Variants in ZKSCAN2 observed in about 807,000 individuals in gnomAD.
ZKSCAN2 encodes zinc finger with KRAB and SCAN domains 2.
A neutral mutation model predicts 90.5 loss-of-function variants in ZKSCAN2; 38 were observed. The ratio of observed to expected loss-of-function variants is 0.42; its 90% CI spans 0.32 to 0.55. ZKSCAN2 has a LOEUF of 0.55. Ranked by LOEUF, ZKSCAN2 falls within the 20% of genes least tolerant of loss-of-function variation. The probability of loss-of-function intolerance (pLI) is 0.11; values close to 1 mark genes in which losing one functional copy is unlikely to be tolerated. For synonymous variants in ZKSCAN2, 429 were observed against 421.6 expected (o/e 1.02, Z -0.22); for missense variants, 1,167 against 1,202.6 (o/e 0.97, Z 0.44).
intron 4 of ZKSCAN2, among the ~76,000 whole-genome samples, chr16:25,250,443 TGAGAA>T (rs1250747089): frequency 6.6e-6 from 1 of 152,152 alleles, no homozygotes; most frequent in Non-Finnish European, 1.5e-5. Flanking sequence ...TTAGAGAAAG[TGAGAA>T]GAGAACAGTG....
In ZKSCAN2 at chr16:25,257,109, A is replaced by T. The variant is rs752024633; in HGVS notation, c.19T>A (p.Ser7Thr). 6.2e-7 allele frequency: 1 copy of T among 1,604,618 alleles called. No individual in the cohort carries two copies. Among genetic ancestry groups the T allele is most frequent in the Non-Finnish European group, 8.5e-7 (1 of 1,174,248 alleles). ...ACCTCCAGGGGCGCGTCGATCTGAG[A>T]GTCGAGGGCGACAGCCATGCTGCAG... is the stretch of plus-strand genomic sequence containing the variant. MAVALD[S>T]QIDAPLEVEG... is the part of the protein sequence containing the mutation. Residue 7 changes from serine to threonine, a missense_variant, in exon 1 of 7, where the codon TCT becomes ACT. Coordinates refer to ENST00000328086, the MANE Select transcript of ZKSCAN2 (RefSeq NM_001012981.5).
rs1393182561 is a variant in ZKSCAN2, at chr16:25,237,966, GGAC to G, written c.*1847_*1849del. 2 of 152,126 alleles carry G rather than the reference GGAC, an allele frequency of 1.3e-5. No homozygotes were observed. The highest frequency in any genetic ancestry group is 2.9e-5 in the Non-Finnish European group (2 of 68,010). 9.4% of individuals were successfully genotyped at this position (152,126 alleles called of 1,614,324 possible). A position where few individuals can be genotyped will look rare whatever the true frequency, so the allele number is the denominator to read the frequency against. ...ACTTAGCATTAGAAATCTATAACTT[GGAC>G]AACACAGAAAAATCAACCTATTGAG... On this transcript the variant is annotated 3_prime_UTR_variant, in exon 7 of 7. Coordinates refer to ENST00000328086, the MANE Select transcript of ZKSCAN2 (RefSeq NM_001012981.5).
chr16:25,247,247 G>A lies in ZKSCAN2; in HGVS notation c.949C>T (p.Pro317Ser), dbSNP rs778194416. The stretch of plus-strand genomic sequence containing the variant: ...CATGTTTTTCCTGCACTCCTTGCAG[G>A]GACCTGAATAGCATGAACTGACTTT... ...KEKSVHAIQVPARSAGKTWRE... is the reference protein window; with the variant it reads ...KEKSVHAIQVSARSAGKTWRE... The change falls in exon 5 of 7, where the codon CCT (proline) becomes TCT (serine). Residue 317 changes from proline (P) to serine (S), a missense_variant. Pro to Ser is a moderately conservative substitution (Grantham distance 74). Coordinates refer to ENST00000328086, the MANE Select transcript of ZKSCAN2 (RefSeq NM_001012981.5). The A allele has an allele frequency of 1.9e-6, 3 of 1,613,998 alleles. No homozygotes were observed. The highest frequency in any genetic ancestry group is 2.5e-6 in the Non-Finnish European group (3 of 1,180,022).
chr16:25,255,599 G>A (rs1006653183), intron 1 of ZKSCAN2, among the ~76,000 whole-genome samples: 1 of 152,160 alleles, frequency 6.6e-6, no homozygotes, highest in Non-Finnish European at 1.5e-5. Context: ...TCTTTTTTCT[G>A]AGACAGAGTT....
Position 25,257,219 on chromosome 16 carries a change from G to T in ZKSCAN2, c.-92C>A, listed in dbSNP as rs1040897991. On this transcript the variant is annotated 5_prime_UTR_variant, in exon 1 of 7. Transcript: ENST00000328086. ...CCCTGCTTAATGTTCCTGGGAGTGT[G>T]ATAAGGTACGGAGGTAAAAACGGCC... 7.4e-5 allele frequency: 108 copies of T among 1,460,128 alleles called. No homozygotes were observed. Among genetic ancestry groups the T allele is most frequent in the East Asian group, 1.7e-4 (7 of 41,120 alleles). The allele number at this position is 1,460,128 out of a possible 1,614,324, so 90.4% of individuals were successfully genotyped here.
rs552607220 is a variant in ZKSCAN2 at position 25,251,408 on chromosome 16, A to G, written c.805+501T>C. Among the ~76,000 whole-genome samples, 20 of 152,326 alleles carry G rather than the reference A, an allele frequency of 1.3e-4. No individual in the cohort carries two copies. The South Asian group carries it at 4.1e-3, about 32-fold the overall frequency. On this transcript the variant is annotated intron_variant, in intron 4 of 6. Transcript: ENST00000328086. ...TTTTCGTAAGTATTTATTGAAAACA[A>G]AATATTTCATTAATAAAATATTTCA...
intron 4 of ZKSCAN2, among the ~76,000 whole-genome samples, chr16:25,250,504 A>C (rs888172751): frequency 2.6e-5 from 4 of 152,208 alleles, no homozygotes; most frequent in Admixed American, 2.6e-4. Flanking sequence ...AAAGCGTATA[A>C]GCTTTCAGTT....
Position 25,246,844 on chromosome 16 carries a change from G to A in ZKSCAN2, c.1352C>T (p.Ala451Val), listed in dbSNP as rs373941531. The A allele has an allele frequency of 2.5e-6, 4 of 1,614,042 alleles. No homozygotes were observed. The highest frequency in any genetic ancestry group is 3.4e-6 in the Non-Finnish European group (4 of 1,180,030). The change falls in exon 5 of 7, where the codon GCC becomes GTC. Residue 451 changes from alanine (A) to valine (V), a missense_variant. Ala to Val is a moderately conservative substitution (Grantham distance 64). Transcript: ENST00000328086. ...MIPVPRLKRI[A>V]ISAKEHISLV... ...GCTGATGTGTTCCTTAGCACTGATG[G>A]CAATTCTCTTCAGTCTGGGGACAGG...
At chr16:25,245,719 G>A (rs908663204) in intron 5 of ZKSCAN2, among the ~76,000 whole-genome samples, 7 of 150,966 alleles carry the variant, frequency 4.6e-5, no homozygotes, top group African/African-American at 1.7e-4. Context: ...GCAGTGAGCC[G>A]AGATTGCGCC....
intron 2 of ZKSCAN2, among the ~76,000 whole-genome samples, chr16:25,254,507 C>G (rs1302187716): frequency 1.3e-5 from 2 of 152,226 alleles, no homozygotes; most frequent in African/African-American, 4.8e-5. Context: ...TTTCAAACAG[C>G]TTTTTGACTT....
At chr16:25,249,861 A>G (rs769368542) in intron 4 of ZKSCAN2, among the ~76,000 whole-genome samples, 1 of 152,234 alleles carries the variant, frequency 6.6e-6, no homozygotes, top group Non-Finnish European at 1.5e-5. Context: ...AAGGAGACAA[A>G]ATCAGCATCT....
chr16:25,254,798 T>TA (rs946948636), intron 2 of ZKSCAN2, among the ~76,000 whole-genome samples: 4 of 150,782 alleles, frequency 2.7e-5, no homozygotes, highest in African/African-American at 4.9e-5. Context: ...TTGGATCTTT[T>TA]TTTTTTTTTT....
Position 25,257,246 on chromosome 16 carries a change from G to A in ZKSCAN2, c.-119C>T. 4.0e-6 allele frequency: 6 copies of A among 1,493,594 alleles called. No homozygotes were observed. Among genetic ancestry groups the A allele is most frequent in the Non-Finnish European group, 5.3e-6 (6 of 1,129,254 alleles). The allele number at this position is 1,493,594 out of a possible 1,614,324, so 92.5% of individuals were successfully genotyped here. A position where few individuals can be genotyped will look rare whatever the true frequency, so the allele number is the denominator to read the frequency against. On this transcript the variant is annotated 5_prime_UTR_variant, in exon 1 of 7. Coordinates refer to ENST00000328086, the MANE Select transcript of ZKSCAN2 (RefSeq NM_001012981.5). ...TAAGGTACGGAGGTAAAAACGGCCA[G>A]GTCGGCAGGAACAGGGTATTCCAGG...
At chr16:25,251,760 G>A in intron 4 of ZKSCAN2, 149 bp downstream of exon 4, 1 of 778,918 alleles carries the variant, frequency 1.3e-6, no homozygotes, top group Non-Finnish European at 2.0e-6. Context: ...GAGTGGGTGA[G>A]GGAAGAGAAC....
At chr16:25,253,105 T>A in intron 2 of ZKSCAN2, 68 bp from the exon 3 acceptor site, 2 of 1,209,644 alleles carry the variant, frequency 1.7e-6, no homozygotes, top group Non-Finnish European at 2.5e-6. Flanking sequence ...GTCTCTCTTT[T>A]TAAGAGATGA....
chr16:25,243,759 T>TAAAACTCCTTTGTTTTGCACC, intron 6 of ZKSCAN2, 26 bp downstream of exon 6: 2 of 1,558,622 alleles, frequency 1.3e-6, no homozygotes, highest in Admixed American at 2.0e-5. Context: ...TCTTTTGGAC[T>TAAAACTCCTTTGTTTTGCACC]AAAACTCCTT....
Position 25,243,766 on chromosome 16 carries a change from C to CCTTGGTTTTGCACCAAAACTT in ZKSCAN2, c.1981+18_1981+19insAAGTTTTGGTGCAAAACCAAG. The CCTTGGTTTTGCACCAAAACTT allele has an allele frequency of 6.3e-7, 1 of 1,578,322 alleles. No individual in the cohort carries two copies. Among genetic ancestry groups the CCTTGGTTTTGCACCAAAACTT allele is most frequent in the Non-Finnish European group, 8.6e-7 (1 of 1,165,062 alleles). ...CTTATTCCTCTTTTGGACTAAAACT[C>CCTTGGTTTTGCACCAAAACTT]CTTGGTTTTGCACCTTACCATTTGG... On this transcript the variant is annotated intron_variant, in intron 6 of 6. Transcript: ENST00000328086.
chr16:25,256,120 C>G (rs570424450), intron 1 of ZKSCAN2, among the ~76,000 whole-genome samples: 2 of 152,286 alleles, frequency 1.3e-5, no homozygotes, highest in South Asian at 4.1e-4. Flanking sequence ...AAGTCTGATG[C>G]AAGGTGAAAC....
At position 25,237,893 on chromosome 16, in the gene ZKSCAN2, C is replaced by T. The variant is rs1962794284; in HGVS notation, c.*1923G>A. 6.6e-6 allele frequency: 1 copy of T among 152,266 alleles called. No homozygotes were observed. Among genetic ancestry groups the T allele is most frequent in the Non-Finnish European group, 1.5e-5 (1 of 68,054 alleles). The allele number at this position is 152,266 out of a possible 1,614,324, so 9.4% of individuals were successfully genotyped here. A position where few individuals can be genotyped will look rare whatever the true frequency, so the allele number is the denominator to read the frequency against. ...CACAATATAAACACAAGCCCACTGG[C>T]ACCACAAACATCTTACTGTGCTACG... On this transcript the variant is annotated 3_prime_UTR_variant, in exon 7 of 7. Transcript: ENST00000328086.
Sources: gnomAD v4.1 joint callset for allele counts (sites outside exome capture counted in the v4.1 genomes callset) on GRCh38, gnomAD v4.1.1 for gene constraint, MANE v1.5 for transcripts, NCBI Gene and HGNC (gene_info 2026-07-23, HGNC 2026-07-21) for gene names.